Variants in ADGRL4 observed in about 807,000 individuals in gnomAD.
ADGRL4 encodes the protein adhesion G protein-coupled receptor L4.
Under a neutral mutation model 74.8 loss-of-function variants are expected in ADGRL4, and 90 were observed. The observed-to-expected ratio is 1.20, with a 90% confidence interval of 1.02 to 1.43. The LOEUF (loss-of-function observed/expected upper bound fraction) is 1.43, where lower values mean the gene tolerates loss of function less well. ADGRL4 is among the 40% of genes most tolerant of loss of function. The pLI, the probability that ADGRL4 is intolerant of heterozygous loss-of-function variation, is 0.00. For missense variants in ADGRL4, 881 were observed against 814.3 expected (o/e 1.08, Z -1.00); for synonymous variants, 311 against 279.2 (o/e 1.11, Z -1.14).
chr1:78,952,835 C>T (rs1356568123), intron 2 of ADGRL4, among the ~76,000 whole-genome samples: 1 of 152,020 alleles, frequency 6.6e-6, no homozygotes, highest in African/African-American at 2.4e-5. Context: ...ACTACAGGTT[C>T]ATTTCAAAAT....
chr1:78,925,155 G>A (rs1280010151), intron 8 of ADGRL4, among the ~76,000 whole-genome samples: 1 of 152,006 alleles, frequency 6.6e-6, no homozygotes. Flanking sequence ...GGGCCAAACT[G>A]GCCAGGAGTA....
intron 2 of ADGRL4, among the ~76,000 whole-genome samples, chr1:78,968,529 C>T (rs1315129684): frequency 2.0e-5 from 3 of 149,440 alleles, no homozygotes; most frequent in Admixed American, 6.7e-5. Flanking sequence ...AGACGGGGGT[C>T]GGCAATCAGT....
chr1:78,949,687 A>G (rs889613265), intron 2 of ADGRL4, among the ~76,000 whole-genome samples: 2 of 152,158 alleles, frequency 1.3e-5, no homozygotes, highest in Admixed American at 6.6e-5. Flanking sequence ...GTATAGAAAA[A>G]TAAAAGTCTG....
Position 78,920,244 on chromosome 1 carries a change from C to A in ADGRL4, c.1400G>T (p.Cys467Phe), listed in dbSNP as rs1381511341. The A allele has an allele frequency of 6.2e-7, 1 of 1,612,018 alleles. No homozygotes were observed. The highest frequency in any genetic ancestry group is 1.3e-5 in the African/African-American group (1 of 74,876). Reference sequence around the variant, plus strand: ...AAGTTCAGCAAGAAATAGGCTACAGCAAAGATTTTTGTGAATTGTTGTCCT... The same window carrying A: ...AAGTTCAGCAAGAAATAGGCTACAGAAAAGATTTTTGTGAATTGTTGTCCT... ...STRTTIHKNL[C>F]CSLFLAELVF... Residue 467 changes from cysteine to phenylalanine, a missense_variant, in exon 10 of 15, where the codon TGC becomes TTC. By Grantham distance (205) the Cys-to-Phe change is radical. Transcript: ENST00000370742.
In ADGRL4 at chr1:78,926,994, A is replaced by G. The variant is rs1172991243; in HGVS notation, c.975T>C (p.Ser325=). Residue 325 remains serine, a synonymous_variant, in exon 8 of 15, where the codon TCT becomes TCC. Coordinates refer to ENST00000370742, the MANE Select transcript of ADGRL4 (RefSeq NM_022159.4). The part of the protein sequence containing the change: ...FLLKPQNYDN[S]EEEERVISSV... ...AAGATATGACTCTTTCCTCCTCTTC[A>G]GAATTATCATAATTTTGAGGTTTCA... 5.0e-6 allele frequency: 8 copies of G among 1,611,508 alleles called. No homozygotes were observed. Among genetic ancestry groups the G allele is most frequent in the South Asian group, 1.1e-5 (1 of 91,024 alleles).
chr1:78,938,321 C>G (rs745358361), intron 4 of ADGRL4, 42 bp from the exon 5 acceptor site: 1 of 1,472,376 alleles, frequency 6.8e-7, no homozygotes, highest in Non-Finnish European at 9.1e-7. Flanking sequence ...TAAATTAGTT[C>G]TACTGGAGTT....
chr1:78,956,162 CA>C (rs1649824579), intron 2 of ADGRL4, among the ~76,000 whole-genome samples: 2 of 152,238 alleles, frequency 1.3e-5, no homozygotes, highest in South Asian at 4.1e-4. Flanking sequence ...TGCCGAAACA[CA>C]AAAATTAGCA....
chr1:78,943,609 A>G (rs1649537006), intron 3 of ADGRL4, among the ~76,000 whole-genome samples: 1 of 152,206 alleles, frequency 6.6e-6, no homozygotes. Flanking sequence ...AAATTTAAGG[A>G]TAAGCTAAAA....
At chr1:78,914,369 TTCTTTG>T (rs1648825222) in intron 12 of ADGRL4, among the ~76,000 whole-genome samples, 1 of 151,904 alleles carries the variant, frequency 6.6e-6, no homozygotes, top group South Asian at 2.1e-4. Flanking sequence ...TTCTTATATT[TTCTTTG>T]TCTTTCTATC....
chr1:78,926,188 G>A (rs1199279136), intron 8 of ADGRL4, among the ~76,000 whole-genome samples: 5 of 151,970 alleles, frequency 3.3e-5, no homozygotes, highest in Middle Eastern at 3.2e-3. Flanking sequence ...TACTTCAAAT[G>A]GAACTTCGAA....
Position 79,005,485 on chromosome 1 carries a change from C to A in ADGRL4, c.23-266G>T, listed in dbSNP as rs756350504. Among the ~76,000 whole-genome samples, 22 of 152,090 alleles carry A rather than the reference C, an allele frequency of 1.4e-4. 1 individual carries two copies. The highest frequency in any genetic ancestry group is 1.8e-4 in the Non-Finnish European group (12 of 68,010). On this transcript the variant is annotated intron_variant, in intron 1 of 14. Transcript: ENST00000370742. ...AACTAAAATGTAATAAACAACTCAG[C>A]TTTATAATAAAAACTGTGTTCCCAG...
rs550599646 is a variant in ADGRL4 at position 78,913,157 on chromosome 1, G to A, written c.1749+4477C>T. ...AAATTACAGATGCTGGTGAAGTTGGGGAGAAAAAGGAATGGTTATACACTG... is the reference window on the plus strand; with the variant it reads ...AAATTACAGATGCTGGTGAAGTTGGAGAGAAAAAGGAATGGTTATACACTG... On this transcript the variant is annotated intron_variant, in intron 12 of 14. Transcript: ENST00000370742. Among the ~76,000 whole-genome samples the A allele has an allele frequency of 8.6e-5, 13 of 152,004 alleles. No homozygotes were observed. The East Asian group carries it at 2.3e-3, about 27-fold the overall frequency.
At chr1:79,001,422 AAAAGAAAGAAAG>A (rs201049265) in intron 2 of ADGRL4, among the ~76,000 whole-genome samples, 2 of 151,772 alleles carry the variant, frequency 1.3e-5, no homozygotes, top group Non-Finnish European at 1.5e-5. Flanking sequence ...CTTAAGACAA[AAAAGAAAGAAAG>A]AAAGAAAGAA....
At chr1:79,005,703 A>G (rs906895873) in intron 1 of ADGRL4, among the ~76,000 whole-genome samples, 1 of 152,368 alleles carries the variant, frequency 6.6e-6, no homozygotes, top group East Asian at 1.9e-4. Flanking sequence ...CTAGGAGAAC[A>G]GATGCACTTG....
intron 10 of ADGRL4, among the ~76,000 whole-genome samples, chr1:78,919,939 T>C (rs913977749): frequency 1.3e-5 from 2 of 151,986 alleles, no homozygotes; most frequent in African/African-American, 4.8e-5. Flanking sequence ...ATTCAGTTTG[T>C]TGCAAAGTTT....
At chr1:78,932,304 C>A (rs1376963948) in intron 7 of ADGRL4, among the ~76,000 whole-genome samples, 1 of 151,418 alleles carries the variant, frequency 6.6e-6, no homozygotes, top group Non-Finnish European at 1.5e-5. Flanking sequence ...GGAAGTTGAA[C>A]AACCTGCTCC....
At chr1:78,924,924 C>A (rs763470800) in intron 8 of ADGRL4, among the ~76,000 whole-genome samples, 4 of 152,080 alleles carry the variant, frequency 2.6e-5, no homozygotes, top group African/African-American at 4.8e-5. Flanking sequence ...CAGCAGATTA[C>A]ATCTACTTTT....
In ADGRL4 at chr1:79,006,666, G is replaced by T. The variant is rs761287512; in HGVS notation, c.-12C>A. The T allele has an allele frequency of 3.3e-6, 5 of 1,494,678 alleles. No homozygotes were observed. In the African/African-American group the frequency reaches 4.4e-5, roughly 13 times the overall value. 92.6% of individuals were successfully genotyped at this position (1,494,678 alleles called of 1,614,324 possible). A position where few individuals can be genotyped will look rare whatever the true frequency, so the allele number is the denominator to read the frequency against. On this transcript the variant is annotated 5_prime_UTR_variant, in exon 1 of 15. Coordinates refer to ENST00000370742, the MANE Select transcript of ADGRL4 (RefSeq NM_022159.4). The stretch of plus-strand genomic sequence containing the variant: ...GGGAGGCGTTTCATTGGCGGTGGCC[G>T]CAGTGGTGGCGGTGGCGGAGAGCGC...
At chr1:78,985,267 G>T (rs935428910) in intron 2 of ADGRL4, among the ~76,000 whole-genome samples, 1 of 151,412 alleles carries the variant, frequency 6.6e-6, no homozygotes, top group African/African-American at 2.4e-5. Flanking sequence ...ATTTTGATAG[G>T]TGTCCATGCA....
Sources: allele counts gnomAD v4.1 joint callset (sites outside exome capture counted in the v4.1 genomes callset), GRCh38; gene constraint gnomAD v4.1.1; transcripts MANE v1.5; gene names NCBI Gene and HGNC (gene_info 2026-07-23, HGNC 2026-07-21).